Variants in MYEOV observed in about 807,000 individuals in gnomAD.
MYEOV encodes myeloma-overexpressed gene protein.
A neutral mutation model predicts 4.5 loss-of-function variants in MYEOV; 4 were observed. The ratio of observed to expected loss-of-function variants is 0.89; its 90% CI spans 0.44 to 2.03. The LOEUF is 2.03. Among genes scored for constraint, MYEOV ranks in the 30% most tolerant of loss-of-function variants. MYEOV has a pLI of 0.03. For missense variants in MYEOV, 408 were observed against 412.8 expected, an observed-to-expected ratio of 0.99 and a Z score of 0.10; for synonymous variants, 184 against 170.3, an observed-to-expected ratio of 1.08 and a Z score of -0.63.
chr11:69,295,393 C>T lies in MYEOV; in HGVS notation c.39C>T (p.Leu13=). 3 of 1,613,516 alleles carry T rather than the reference C, an allele frequency of 1.9e-6. No homozygotes were observed. Among genetic ancestry groups the T allele is most frequent in the Non-Finnish European group, 2.5e-6 (3 of 1,179,662 alleles). ...LRICVTYTPA[L]PIGLCTRCCL... The stretch of plus-strand genomic sequence containing the variant: ...TCTGCGTCACATACACCCCAGCTCT[C>T]CCGATAGGTCTCTGCACTCGCTGTT... The change falls in exon 2 of 3, where the codon CTC becomes CTT. Residue 13 remains leucine, a synonymous_variant. Transcript: ENST00000441339. The surrounding 1 kb of genome is among the most constrained non-coding windows in gnomAD (Gnocchi z 4.1).
chr11:69,295,612 G>A lies in MYEOV; in HGVS notation c.162G>A (p.Arg54=), dbSNP rs780783710. 3.8e-5 allele frequency: 61 copies of A among 1,613,630 alleles called. No individual in the cohort carries two copies. The highest frequency in any genetic ancestry group is 1.6e-4 in the Middle Eastern group (1 of 6,084). ...TGTAGTCTGTCCCCCTTGGGGACAG[G>A]GACTCGTTGCTCATGTTCACCCGGC... ...HLHQSVPLGD[R]DSLLMFTRQA... Residue 54 remains arginine, a synonymous_variant, in exon 3 of 3, where the codon AGG becomes AGA. Transcript: ENST00000441339. This position sits in a 1 kb window ranked among gnomAD's most constrained non-coding sequence, Gnocchi z 4.1.
chr11:69,296,166 T>G lies in MYEOV; in HGVS notation c.716T>G (p.Leu239Arg). The G allele has an allele frequency of 6.2e-7, 1 of 1,613,990 alleles. No individual in the cohort carries two copies. The highest frequency in any genetic ancestry group is 8.5e-7 in the Non-Finnish European group (1 of 1,179,940). Residue 239 changes from leucine (L) to arginine (R), a missense_variant, in exon 3 of 3, where the codon CTC becomes CGC. Leu to Arg is a moderately radical substitution (Grantham distance 102). Transcript: ENST00000441339. Reference protein sequence around the residue: ...YERGRRACLTLHRHPTPHCST... With the variant: ...YERGRRACLTRHRHPTPHCST... ...AGGGGAAGAAGAGCATGCCTGACCC[T>G]CCACCGGCACCCCACCCCTCACTGC... is the stretch of plus-strand genomic sequence containing the variant.
In MYEOV at chr11:69,296,219, G is replaced by C; in HGVS notation, c.769G>C (p.Ala257Pro). 6.2e-7 allele frequency: 1 copy of C among 1,610,064 alleles called. No individual in the cohort carries two copies. The highest frequency in any genetic ancestry group is 8.5e-7 in the Non-Finnish European group (1 of 1,177,432). The change falls in exon 3 of 3, where the codon GCT (alanine) becomes CCT (proline). Residue 257 changes from alanine to proline, a missense_variant. Ala to Pro is a conservative substitution (Grantham distance 27, BLOSUM62 -1). Coordinates refer to ENST00000441339, the MANE Select transcript of MYEOV (RefSeq NM_001293291.2). ...CACCTGGGGCCTGCCTCTGCGGGTG[G>C]CTGGGTCCTGGCTGACTGTTGTGAC... ...CSTWGLPLRV[A>P]GSWLTVVTVE... is the part of the protein sequence containing the mutation.
In MYEOV at chr11:69,296,341, C is replaced by A; in HGVS notation, c.891C>A (p.Leu297=). ...HPPPVSGASP[L]LLHHLLLLLL... is the part of the protein sequence containing the mutation. ...CCCCAGTGTCAGGTGCTTCTCCTCT[C>A]CTCCTCCACCACCTCCTCCTCCTCC... is the stretch of plus-strand genomic sequence containing the variant. Residue 297 remains leucine (L), a synonymous_variant, in exon 3 of 3, where the codon CTC becomes CTA. Coordinates refer to ENST00000441339, the MANE Select transcript of MYEOV (RefSeq NM_001293291.2). 6.7e-7 allele frequency: 1 copy of A among 1,499,064 alleles called. No individual in the cohort carries two copies. Among genetic ancestry groups the A allele is most frequent in the East Asian group, 2.3e-5 (1 of 43,108 alleles). The allele number at this position is 1,499,064 out of a possible 1,614,324, so 92.9% of individuals were successfully genotyped here. A position where few individuals can be genotyped will look rare whatever the true frequency, so the allele number is the denominator to read the frequency against.
At position 69,295,672 on chromosome 11, in the gene MYEOV, C is replaced by A; in HGVS notation, c.222C>A (p.Gly74=). Residue 74 remains glycine (G), a synonymous_variant, in exon 3 of 3, where the codon GGC becomes GGA. Coordinates refer to ENST00000441339, the MANE Select transcript of MYEOV (RefSeq NM_001293291.2). This position sits in a 1 kb window ranked among gnomAD's most constrained non-coding sequence, Gnocchi z 4.1. ...AGHFVEGSKA[G]RSRGRLCLSQ... ...ACTTCGTGGAGGGCTCCAAAGCCGG[C>A]AGATCCCGGGGCCGCCTCTGTCTCT... is the stretch of plus-strand genomic sequence containing the variant. The A allele has an allele frequency of 6.2e-7, 1 of 1,614,136 alleles. No homozygotes were observed. The highest frequency in any genetic ancestry group is 8.5e-7 in the Non-Finnish European group (1 of 1,180,040).
Position 69,295,630 on chromosome 11 carries a change from C to T in MYEOV, c.180C>T (p.Phe60=). 1 of 1,614,038 alleles carries T rather than the reference C, an allele frequency of 6.2e-7. No individual in the cohort carries two copies. The highest frequency in any genetic ancestry group is 8.5e-7 in the Non-Finnish European group (1 of 1,179,970). Residue 60 remains phenylalanine (F), a synonymous_variant, in exon 3 of 3, where the codon TTC becomes TTT. Coordinates refer to ENST00000441339, the MANE Select transcript of MYEOV (RefSeq NM_001293291.2). This position sits in a 1 kb window ranked among gnomAD's most constrained non-coding sequence, Gnocchi z 4.1. ...PLGDRDSLLM[F]TRQAGHFVEG... is the part of the protein sequence containing the mutation. ...GGGACAGGGACTCGTTGCTCATGTT[C>T]ACCCGGCAGGCTGGACACTTCGTGG...
At position 69,295,447 on chromosome 11, in the gene MYEOV, G is replaced by A; in HGVS notation, c.93G>A (p.Trp31Ter). The change falls in exon 2 of 3, where the codon TGG becomes TGA. Residue 31 changes from tryptophan to a stop codon, truncating the protein, a stop_gained. Transcript: ENST00000441339. LOFTEE classifies it low-confidence loss of function (END_TRUNC). This position sits in a 1 kb window ranked among gnomAD's most constrained non-coding sequence, Gnocchi z 4.1. ...TCTGCCTGGAACAGTCTCCCTCCTGGTGTCATTGTCTCCGTGGTGTGTCCT... is the reference window on the plus strand; with the variant it reads ...TCTGCCTGGAACAGTCTCCCTCCTGATGTCATTGTCTCCGTGGTGTGTCCT... ...CCLCLEQSPS[W>*]CHCLRGVSFL... 1 of 1,614,142 alleles carries A rather than the reference G, an allele frequency of 6.2e-7. No individual in the cohort carries two copies. The highest frequency in any genetic ancestry group is 8.5e-7 in the Non-Finnish European group (1 of 1,180,010).
In MYEOV at chr11:69,296,429, C is replaced by A; in HGVS notation, c.*37C>A. The A allele has an allele frequency of 7.8e-7, 1 of 1,281,042 alleles. No individual in the cohort carries two copies. The highest frequency in any genetic ancestry group is 1.1e-6 in the Non-Finnish European group (1 of 945,786). The allele number at this position is 1,281,042 out of a possible 1,614,324, so 79.4% of individuals were successfully genotyped here. A position where few individuals can be genotyped will look rare whatever the true frequency, so the allele number is the denominator to read the frequency against. On this transcript the variant is annotated 3_prime_UTR_variant, in exon 3 of 3. Coordinates refer to ENST00000441339, the MANE Select transcript of MYEOV (RefSeq NM_001293291.2). Reference sequence around the variant, plus strand: ...GTGCCAAGTGGTTTATATGCCCAGCCTCATTTAATCCTCAGAATGACTCCA... The same window carrying A: ...GTGCCAAGTGGTTTATATGCCCAGCATCATTTAATCCTCAGAATGACTCCA...
Position 69,295,183 on chromosome 11 carries a change from A to G in MYEOV, c.-122-50A>G, listed in dbSNP as rs904083210. ...CATCCTCCCCATGGTCAAGGAGGTC[A>G]GTGCCTTCCCGGGGTGGATTACGGA... On this transcript the variant is annotated intron_variant, in intron 1 of 2. Coordinates refer to ENST00000441339, the MANE Select transcript of MYEOV (RefSeq NM_001293291.2). This position sits in a 1 kb window ranked among gnomAD's most constrained non-coding sequence, Gnocchi z 4.1. 6.2e-5 allele frequency: 70 copies of G among 1,131,792 alleles called. No individual in the cohort carries two copies. In the Middle Eastern group the frequency reaches 1.2e-3, roughly 19 times the overall value. 70.1% of individuals were successfully genotyped at this position (1,131,792 alleles called of 1,614,324 possible).
chr11:69,296,382 T>C lies in MYEOV; in HGVS notation c.932T>C (p.Leu311Pro). Residue 311 changes from leucine (L) to proline (P), a missense_variant, in exon 3 of 3, where the codon CTC becomes CCC. Physicochemically the swap from Leu to Pro is moderately conservative, Grantham distance 98. Transcript: ENST00000441339. ...CTCCTCCTCCTCCTCATCATCATCC[T>C]CACTTGTTGAGGACGTCCTGTGTGC... The part of the protein sequence containing the change: ...HLLLLLLIII[L>P]TC 6.8e-7 allele frequency: 1 copy of C among 1,460,962 alleles called. No individual in the cohort carries two copies. Among genetic ancestry groups the C allele is most frequent in the South Asian group, 1.4e-5 (1 of 69,378 alleles). 90.5% of individuals were successfully genotyped at this position (1,460,962 alleles called of 1,614,324 possible).
chr11:69,296,004 A>T lies in MYEOV; in HGVS notation c.554A>T (p.His185Leu), dbSNP rs753985774. The T allele has an allele frequency of 6.2e-7, 1 of 1,614,092 alleles. No individual in the cohort carries two copies. The highest frequency in any genetic ancestry group is 8.5e-7 in the Non-Finnish European group (1 of 1,180,006). ...QAISSCPEEV[H>L]GRHGLSMEIM... is the part of the protein sequence containing the mutation. ...ATTAGCTCGTGCCCTGAGGAGGTGC[A>T]TGGGCGGCATGGGCTCTCCATGGAA... Residue 185 changes from histidine to leucine, a missense_variant, in exon 3 of 3, where the codon CAT (histidine) becomes CTT (leucine). By Grantham distance (99) the His-to-Leu change is moderately conservative. Transcript: ENST00000441339.
chr11:69,295,792 T>G lies in MYEOV; in HGVS notation c.342T>G (p.Gly114=), dbSNP rs1590820747. The change falls in exon 3 of 3, where the codon GGT becomes GGG. Residue 114 remains glycine, a synonymous_variant. Transcript: ENST00000441339. This position sits in a 1 kb window ranked among gnomAD's most constrained non-coding sequence, Gnocchi z 4.1. ...GDRERNKGDK[G]AQTGAGLSQE... is the part of the protein sequence containing the mutation. The stretch of plus-strand genomic sequence containing the variant: ...GGGAGAGAAACAAGGGAGACAAGGG[T>G]GCCCAGACAGGTGCGGGGCTCAGCC... 6.2e-7 allele frequency: 1 copy of G among 1,614,034 alleles called. No homozygotes were observed. The highest frequency in any genetic ancestry group is 8.5e-7 in the Non-Finnish European group (1 of 1,180,004).
rs375123114 is a variant in MYEOV at position 69,295,751 on chromosome 11, G to T, written c.301G>T (p.Ala101Ser). The change falls in exon 3 of 3, where the codon GCT becomes TCT. Residue 101 changes from alanine to serine, a missense_variant. Coordinates refer to ENST00000441339, the MANE Select transcript of MYEOV (RefSeq NM_001293291.2). The surrounding 1 kb of genome is among the most constrained non-coding windows in gnomAD (Gnocchi z 4.1). ...RGAFVSLWFA[A>S]GAGDRERNKG... ...AGCATTTGTGTCTCTGTGGTTTGCT[G>T]CTGGAGCTGGTGACCGGGAGAGAAA... 1 of 1,614,162 alleles carries T rather than the reference G, an allele frequency of 6.2e-7. No homozygotes were observed.
In MYEOV at chr11:69,295,986, C is replaced by T. The variant is rs770396792; in HGVS notation, c.536C>T (p.Ser179Leu). The T allele has an allele frequency of 8.1e-6, 13 of 1,614,144 alleles. No individual in the cohort carries two copies. The highest frequency in any genetic ancestry group is 1.1e-5 in the South Asian group (1 of 91,072). The change falls in exon 3 of 3, where the codon TCG becomes TTG. Residue 179 changes from serine (S) to leucine (L), a missense_variant. Physicochemically the swap from Ser to Leu is moderately radical, Grantham distance 145 (BLOSUM62 -2). Coordinates refer to ENST00000441339, the MANE Select transcript of MYEOV (RefSeq NM_001293291.2). The surrounding 1 kb of genome is among the most constrained non-coding windows in gnomAD (Gnocchi z 4.1). Reference sequence around the variant, plus strand: ...GTGGGCGTTGAGCAGGCCATTAGCTCGTGCCCTGAGGAGGTGCATGGGCGG... The same window carrying T: ...GTGGGCGTTGAGCAGGCCATTAGCTTGTGCCCTGAGGAGGTGCATGGGCGG... Reference protein sequence around the residue: ...FRVGVEQAISSCPEEVHGRHG... With the variant: ...FRVGVEQAISLCPEEVHGRHG...
chr11:69,295,849 C>G lies in MYEOV; in HGVS notation c.399C>G (p.Ala133=). The change falls in exon 3 of 3, where the codon GCC becomes GCG. Residue 133 remains alanine, a synonymous_variant. Transcript: ENST00000441339. The surrounding 1 kb of genome is among the most constrained non-coding windows in gnomAD (Gnocchi z 4.1). ...CAGAAGACGTGGACGTGTCCCGGGCCAGGAGGGTCACAGATGCACCACAAG... is the reference window on the plus strand; with the variant it reads ...CAGAAGACGTGGACGTGTCCCGGGCGAGGAGGGTCACAGATGCACCACAAG... ...QEAEDVDVSR[A]RRVTDAPQGT... The G allele has an allele frequency of 6.2e-7, 1 of 1,614,134 alleles. No homozygotes were observed. The highest frequency in any genetic ancestry group is 8.5e-7 in the Non-Finnish European group (1 of 1,180,022).
In MYEOV at chr11:69,296,307, T is replaced by C; in HGVS notation, c.857T>C (p.Met286Thr). ...VRRTGQVGPTMHPPPVSGASP... is the reference protein window; with the variant it reads ...VRRTGQVGPTTHPPPVSGASP... Reference sequence around the variant, plus strand: ...AGGACTGGCCAGGTGGGGCCCACTATGCACCCACCCCCAGTGTCAGGTGCT... The same window carrying C: ...AGGACTGGCCAGGTGGGGCCCACTACGCACCCACCCCCAGTGTCAGGTGCT... Residue 286 changes from methionine to threonine, a missense_variant, in exon 3 of 3, where the codon ATG becomes ACG. By Grantham distance (81) the Met-to-Thr change is moderately conservative (BLOSUM62 -1). Transcript: ENST00000441339. 8 of 1,534,840 alleles carry C rather than the reference T, an allele frequency of 5.2e-6. No homozygotes were observed. The highest frequency in any genetic ancestry group is 7.0e-6 in the Non-Finnish European group (8 of 1,140,006).
At position 69,295,725 on chromosome 11, in the gene MYEOV, G is replaced by T. The variant is rs763338972; in HGVS notation, c.275G>T (p.Gly92Val). Residue 92 changes from glycine (G) to valine (V), a missense_variant, in exon 3 of 3, where the codon GGA (glycine) becomes GTA (valine). By Grantham distance (109) the Gly-to-Val change is moderately radical. Transcript: ENST00000441339. This position sits in a 1 kb window ranked among gnomAD's most constrained non-coding sequence, Gnocchi z 4.1. ...CAGGCCCTGCGTGTTGCGGTGAGAG[G>T]AGCATTTGTGTCTCTGTGGTTTGCT... ...LSQALRVAVRGAFVSLWFAAG... is the reference protein window; with the variant it reads ...LSQALRVAVRVAFVSLWFAAG... 2 of 1,614,048 alleles carry T rather than the reference G, an allele frequency of 1.2e-6. No homozygotes were observed. The highest frequency in any genetic ancestry group is 2.7e-5 in the African/African-American group (2 of 74,908).
In MYEOV at chr11:69,296,225, T is replaced by C. The variant is rs768037175; in HGVS notation, c.775T>C (p.Ser259Pro). ...TWGLPLRVAG[S>P]WLTVVTVEAL... ...GGGCCTGCCTCTGCGGGTGGCTGGG[T>C]CCTGGCTGACTGTTGTGACTGTTGA... The change falls in exon 3 of 3, where the codon TCC becomes CCC. Residue 259 changes from serine (S) to proline (P), a missense_variant. Transcript: ENST00000441339. The C allele has an allele frequency of 2.7e-5, 43 of 1,608,896 alleles. No individual in the cohort carries two copies. In the Middle Eastern group the frequency reaches 6.6e-4, roughly 25 times the overall value.
At position 69,295,937 on chromosome 11, in the gene MYEOV, G is replaced by A; in HGVS notation, c.487G>A (p.Ala163Thr). The A allele has an allele frequency of 1.2e-6, 2 of 1,614,128 alleles. No homozygotes were observed. Among genetic ancestry groups the A allele is most frequent in the Non-Finnish European group, 1.7e-6 (2 of 1,180,004 alleles). ...GSQSARVVGV[A>T]HLGEAFRVGV... ...TCAGTCTGCAAGGGTGGTGGGCGTT[G>A]CTCACCTGGGAGAAGCCTTTAGAGT... The change falls in exon 3 of 3, where the codon GCT becomes ACT. Residue 163 changes from alanine (A) to threonine (T), a missense_variant. By Grantham distance (58) the Ala-to-Thr change is moderately conservative. Coordinates refer to ENST00000441339, the MANE Select transcript of MYEOV (RefSeq NM_001293291.2). The surrounding 1 kb of genome is among the most constrained non-coding windows in gnomAD (Gnocchi z 4.1).
Sources: allele counts gnomAD v4.1 joint callset, GRCh38; gene constraint gnomAD v4.1.1; non-coding constraint Gnocchi (gnomAD v3.1); transcripts MANE v1.5; gene names NCBI Gene and HGNC (gene_info 2026-07-23, HGNC 2026-07-21).